Variants in POU2AF1 observed in about 807,000 individuals in gnomAD.
The protein encoded by POU2AF1 is POU domain class 2-associating factor 1.
Under a neutral mutation model 26.3 loss-of-function variants are expected in POU2AF1, and 12 were observed. The ratio of observed to expected loss-of-function variants is 0.46; its 90% CI spans 0.29 to 0.74. The LOEUF (loss-of-function observed/expected upper bound fraction) is 0.74, where lower values mean the gene tolerates loss of function less well. POU2AF1 is among the 30% of genes least tolerant of loss of function. The pLI is 0.09. For synonymous variants in POU2AF1, 175 were observed against 148.0 expected (o/e 1.18, Z -1.32); for missense variants, 297 against 334.5 (o/e 0.89, Z 0.87).
chr11:111,354,029 T>G lies in POU2AF1; in HGVS notation c.*232A>C, dbSNP rs1475367448. On this transcript the variant is annotated 3_prime_UTR_variant, in exon 5 of 5. Coordinates refer to ENST00000393067, the MANE Select transcript of POU2AF1 (RefSeq NM_006235.3). The stretch of plus-strand genomic sequence containing the variant: ...GAGGGAGGAAAAGGAAGGAAGGGGT[T>G]GGAAAGGAAGAAGGGAGGGAGGGGA... 12 of 280,966 alleles carry G rather than the reference T, an allele frequency of 4.3e-5. No homozygotes were observed. Among genetic ancestry groups the G allele is most frequent in the Admixed American group, 2.3e-4 (2 of 8,694 alleles). 17.4% of individuals were successfully genotyped at this position (280,966 alleles called of 1,614,324 possible).
chr11:111,355,115 C>T (rs1860817544), intron 4 of POU2AF1, among the ~76,000 whole-genome samples: 1 of 152,206 alleles, frequency 6.6e-6, no homozygotes, highest in South Asian at 2.1e-4. Flanking sequence ...TCACCTCCCA[C>T]CCCTCTAGTG....
chr11:111,360,274 C>T (rs1226554964), intron 1 of POU2AF1, among the ~76,000 whole-genome samples: 1 of 152,144 alleles, frequency 6.6e-6, no homozygotes, highest in Non-Finnish European at 1.5e-5. Flanking sequence ...GATAAGGGCC[C>T]CAGGGACCTG....
rs147993415 is a variant in POU2AF1 at position 111,366,719 on chromosome 11, G to A, written c.17-7801C>T. Reference sequence around the variant, plus strand: ...GACCTAGGCAAGCCACCAGGACCTAGAAAGAAGAGCCCTGACAACGAGACC... The same window carrying A: ...GACCTAGGCAAGCCACCAGGACCTAAAAAGAAGAGCCCTGACAACGAGACC... On this transcript the variant is annotated intron_variant, in intron 1 of 4. Coordinates refer to ENST00000393067, the MANE Select transcript of POU2AF1 (RefSeq NM_006235.3). Among the ~76,000 whole-genome samples, 295 of 152,270 alleles carry A rather than the reference G, an allele frequency of 1.9e-3. 3 individuals are homozygous for A. The highest frequency in any genetic ancestry group is 6.9e-3 in the African/African-American group (285 of 41,544).
intron 1 of POU2AF1, among the ~76,000 whole-genome samples, chr11:111,374,105 A>G (rs1861263415): frequency 6.9e-6 from 1 of 145,144 alleles, no homozygotes; most frequent in African/African-American, 2.5e-5. Flanking sequence ...GAACAGCTGT[A>G]GGCAAACTTG....
chr11:111,358,919 C>A lies in POU2AF1; in HGVS notation c.17-1G>T. On this transcript the variant is annotated splice_acceptor_variant, in intron 1 of 4. Coordinates refer to ENST00000393067, the MANE Select transcript of POU2AF1 (RefSeq NM_006235.3). LOFTEE classifies it high-confidence loss of function. ...GCTGGGGCTTGCTCCGGAGCTGTGG[C>A]TGTGAAAAGCAATGTCCCTGGAGCC... 6.2e-7 allele frequency: 1 copy of A among 1,600,198 alleles called. No homozygotes were observed. The highest frequency in any genetic ancestry group is 8.5e-7 in the Non-Finnish European group (1 of 1,177,578).
At chr11:111,359,755 G>T (rs528596236) in intron 1 of POU2AF1, among the ~76,000 whole-genome samples, 65 of 152,126 alleles carry the variant, frequency 4.3e-4, no homozygotes, top group Admixed American at 8.5e-4. Context: ...GATTATAAAC[G>T]TCTCAAGGTG....
At chr11:111,368,758 C>T (rs1861153634) in intron 1 of POU2AF1, among the ~76,000 whole-genome samples, 1 of 152,234 alleles carries the variant, frequency 6.6e-6, no homozygotes, top group Non-Finnish European at 1.5e-5. Context: ...TGGCAAATCA[C>T]TTAACCATTG....
chr11:111,369,954 C>A (rs775488554), intron 1 of POU2AF1, among the ~76,000 whole-genome samples: 2 of 152,194 alleles, frequency 1.3e-5, no homozygotes, highest in African/African-American at 4.8e-5. Flanking sequence ...CTAATTTTGG[C>A]TTTTCAAGAC....
At chr11:111,373,160 T>C (rs1445041044) in intron 1 of POU2AF1, among the ~76,000 whole-genome samples, 1 of 152,246 alleles carries the variant, frequency 6.6e-6, no homozygotes, top group Non-Finnish European at 1.5e-5. Context: ...AGCAATCAAA[T>C]GTAATCCAAA....
chr11:111,375,986 T>G (rs928946113), intron 1 of POU2AF1, among the ~76,000 whole-genome samples: 5 of 152,142 alleles, frequency 3.3e-5, no homozygotes, highest in African/African-American at 1.2e-4. Context: ...CCTTGGAAAA[T>G]TTTGCAATAT....
chr11:111,377,367 AAC>A (rs1435770035), intron 1 of POU2AF1, among the ~76,000 whole-genome samples: 2 of 152,092 alleles, frequency 1.3e-5, no homozygotes, highest in Non-Finnish European at 2.9e-5. Context: ...GCAACAGAGC[AAC>A]ACTCTGTCTC....
At chr11:111,375,602 T>C (rs1164347980) in intron 1 of POU2AF1, among the ~76,000 whole-genome samples, 1 of 152,000 alleles carries the variant, frequency 6.6e-6, no homozygotes, top group Non-Finnish European at 1.5e-5. Flanking sequence ...GGTTTCACCA[T>C]GTTAGCCAGG....
intron 2 of POU2AF1, among the ~76,000 whole-genome samples, chr11:111,358,410 T>TCA (rs1298400312): frequency 1.9e-4 from 5 of 26,104 alleles, no homozygotes; most frequent in African/African-American, 4.3e-4. Context: ...ACATACTCTC[T>TCA]CACACACACG....
rs191368132 is a variant in POU2AF1 at position 111,379,107 on chromosome 11, C to G, written c.16+55G>C. ...CCCCAATTCCAGACCAAGCTGTGAT[C>G]GCCCTGCCCCGCTGGCACTCGCTTG... On this transcript the variant is annotated intron_variant, in intron 1 of 4. Coordinates refer to ENST00000393067, the MANE Select transcript of POU2AF1 (RefSeq NM_006235.3). 4.7e-4 allele frequency: 759 copies of G among 1,606,442 alleles called. 3 individuals are homozygous for G. In the East Asian group the frequency reaches 0.013, roughly 28 times the overall value.
intron 1 of POU2AF1, among the ~76,000 whole-genome samples, chr11:111,369,384 A>T (rs1000057523): frequency 5.3e-5 from 8 of 152,228 alleles, no homozygotes; most frequent in African/African-American, 1.9e-4. Flanking sequence ...CAGACAGAGT[A>T]TGATGGCATT....
At position 111,353,654 on chromosome 11, in the gene POU2AF1, G is replaced by A. The variant is rs1392614560; in HGVS notation, c.*607C>T. 3.4e-5 allele frequency: 8 copies of A among 234,184 alleles called. No homozygotes were observed. Among genetic ancestry groups the A allele is most frequent in the African/African-American group, 1.5e-4 (7 of 45,362 alleles). The allele number at this position is 234,184 out of a possible 1,614,324, so 14.5% of individuals were successfully genotyped here. A position where few individuals can be genotyped will look rare whatever the true frequency, so the allele number is the denominator to read the frequency against. ...TTCTCAGGAGGTGCTGTCGGGGCTG[G>A]TCTTCCCGCCGGCCACCACATACAT... On this transcript the variant is annotated 3_prime_UTR_variant, in exon 5 of 5. Transcript: ENST00000393067.
At chr11:111,358,942 G>GC (rs756899705) in intron 1 of POU2AF1, 24 bp from the exon 2 acceptor site, 44 of 1,587,236 alleles carry the variant, frequency 2.8e-5, no homozygotes, top group Non-Finnish European at 3.3e-5. Context: ...TGTCCCTGGA[G>GC]CCCATGGTCC....
intron 1 of POU2AF1, chr11:111,363,798 A>G (rs1420896314): frequency 1.0e-6 from 1 of 983,094 alleles, no homozygotes; most frequent in East Asian, 1.1e-4. Flanking sequence ...TTGTAACTCC[A>G]AGTAGTTCAC....
At chr11:111,365,060 C>A (rs1286436269) in intron 1 of POU2AF1, among the ~76,000 whole-genome samples, 4 of 152,302 alleles carry the variant, frequency 2.6e-5, no homozygotes, top group African/African-American at 4.8e-5. Flanking sequence ...CATGTAAGGA[C>A]CACTTTCTTG....
Sources: gnomAD v4.1 joint callset for allele counts (sites outside exome capture counted in the v4.1 genomes callset) on GRCh38, gnomAD v4.1.1 for gene constraint, MANE v1.5 for transcripts, NCBI Gene and HGNC (gene_info 2026-07-23, HGNC 2026-07-21) for gene names.